Variants in NEGR1 observed in about 807,000 individuals in gnomAD.
NEGR1 encodes neuronal growth regulator 1.
A neutral mutation model predicts 40.9 loss-of-function variants in NEGR1; 10 were observed. That is an observed-to-expected ratio of 0.24 (90% CI 0.15 to 0.42). The LOEUF (loss-of-function observed/expected upper bound fraction) is 0.42. NEGR1 is among the 10% of genes least tolerant of loss of function. The pLI, the probability that NEGR1 is intolerant of heterozygous loss-of-function variation, is 1.00. For missense variants in NEGR1, 352 were observed against 438.9 expected (o/e 0.80, Z 1.77); for synonymous variants, 185 against 166.8 (o/e 1.11, Z -0.84).
At chr1:72,096,359 T>C (rs1315973606) in intron 1 of NEGR1, among the ~76,000 whole-genome samples, 1 of 152,124 alleles carries the variant, frequency 6.6e-6, no homozygotes, top group Non-Finnish European at 1.5e-5. Context: ...ATCTCAATAA[T>C]GAATAAGAAG....
At chr1:71,456,154 A>G (rs74089367) in intron 6 of NEGR1, among the ~76,000 whole-genome samples, 5,239 of 152,296 alleles carry the variant, frequency 0.034, 315 homozygotes, top group African/African-American at 0.12. Context: ...TAGGTACAAC[A>G]AAGAGATATG....
chr1:71,986,306 T>C (rs1162557028), intron 1 of NEGR1, among the ~76,000 whole-genome samples: 1 of 152,222 alleles, frequency 6.6e-6, no homozygotes, highest in Admixed American at 6.5e-5. Flanking sequence ...TTCCACACAA[T>C]AGTGCATTAT....
intron 2 of NEGR1, among the ~76,000 whole-genome samples, chr1:71,790,317 T>C (rs1003178527): frequency 4.6e-5 from 7 of 152,248 alleles, no homozygotes; most frequent in African/African-American, 1.2e-4. Context: ...TTTTGTTTTC[T>C]GAATTTTAAG....
At chr1:71,684,104 A>T (rs2101613677) in intron 4 of NEGR1, among the ~76,000 whole-genome samples, 1 of 152,142 alleles carries the variant, frequency 6.6e-6, no homozygotes, top group Middle Eastern at 3.4e-3. Flanking sequence ...CCCTGTCTCT[A>T]CTAAAAATAC....
At chr1:71,524,290 T>A (rs1349334156) in intron 6 of NEGR1, among the ~76,000 whole-genome samples, 1 of 149,862 alleles carries the variant, frequency 6.7e-6, no homozygotes, top group African/African-American at 2.5e-5. Flanking sequence ...TACATTAAGA[T>A]CTTGGAGTCT....
intron 2 of NEGR1, among the ~76,000 whole-genome samples, chr1:71,841,277 T>C (rs1268665130): frequency 6.6e-6 from 1 of 152,168 alleles, no homozygotes; most frequent in African/African-American, 2.4e-5. Context: ...TACATATAAA[T>C]CTATTTTATT....
chr1:72,195,727 T>C (rs1211372552), intron 1 of NEGR1, among the ~76,000 whole-genome samples: 1 of 151,992 alleles, frequency 6.6e-6, no homozygotes, highest in Non-Finnish European at 1.5e-5. Flanking sequence ...GTAAAATTCC[T>C]GAAAGTACAG....
At position 72,221,709 on chromosome 1, in the gene NEGR1, A is replaced by T. The variant is rs140550187; in HGVS notation, c.176+60610T>A. Reference sequence around the variant, plus strand: ...CTCAAAAAATCCTGAAGTCCTATTAATTTTTTTTACACCAAGTCTTCTTTA... The same window carrying T: ...CTCAAAAAATCCTGAAGTCCTATTATTTTTTTTTACACCAAGTCTTCTTTA... On this transcript the variant is annotated intron_variant, in intron 1 of 6. Coordinates refer to ENST00000357731, the MANE Select transcript of NEGR1 (RefSeq NM_173808.3). Among the ~76,000 whole-genome samples, 1,025 of 151,980 alleles carry T rather than the reference A, an allele frequency of 6.7e-3. 8 individuals carry two copies. Among genetic ancestry groups the T allele is most frequent in the African/African-American group, 0.023 (958 of 41,484 alleles).
At chr1:72,269,689 G>T (rs986804318) in intron 1 of NEGR1, among the ~76,000 whole-genome samples, 2 of 151,470 alleles carry the variant, frequency 1.3e-5, no homozygotes, top group Non-Finnish European at 3.0e-5. Context: ...TTCAATAGCT[G>T]TTTATTTTTT....
chr1:71,998,421 G>A (rs1475123237), intron 1 of NEGR1, among the ~76,000 whole-genome samples: 1 of 151,704 alleles, frequency 6.6e-6, no homozygotes, highest in African/African-American at 2.4e-5. Context: ...ACAATCGCTG[G>A]CATAGACTTC....
At chr1:71,550,701 T>C (rs976535266) in intron 6 of NEGR1, among the ~76,000 whole-genome samples, 1 of 151,636 alleles carries the variant, frequency 6.6e-6, no homozygotes, top group Non-Finnish European at 1.5e-5. Flanking sequence ...CCACATTCTG[T>C]TCCTTATCTA....
rs946587524 is a variant in NEGR1, at chr1:71,407,333, C to G, written c.*113G>C. On this transcript the variant is annotated 3_prime_UTR_variant, in exon 7 of 7. Transcript: ENST00000357731. Reference sequence around the variant, plus strand: ...CAATTCTACAGAAGGCGATCATCCCCATGTAAGCACTGCTGATTATATCCC... The same window carrying G: ...CAATTCTACAGAAGGCGATCATCCCGATGTAAGCACTGCTGATTATATCCC... The G allele has an allele frequency of 1.2e-6, 1 of 864,010 alleles. No homozygotes were observed. Among genetic ancestry groups the G allele is most frequent in the African/African-American group, 1.7e-5 (1 of 58,726 alleles). 53.5% of individuals were successfully genotyped at this position (864,010 alleles called of 1,614,324 possible). A position where few individuals can be genotyped will look rare whatever the true frequency, so the allele number is the denominator to read the frequency against.
chr1:71,763,251 C>T (rs952073546), intron 3 of NEGR1, among the ~76,000 whole-genome samples: 3 of 151,978 alleles, frequency 2.0e-5, no homozygotes, highest in Admixed American at 2.0e-4. Flanking sequence ...GGTGGGGGGT[C>T]CTCCTTCCAC....
At chr1:71,783,902 A>G (rs898389527) in intron 2 of NEGR1, among the ~76,000 whole-genome samples, 2 of 152,016 alleles carry the variant, frequency 1.3e-5, no homozygotes, top group African/African-American at 4.8e-5. Flanking sequence ...GCCCCATCTC[A>G]GGGTGACTAA....
intron 1 of NEGR1, among the ~76,000 whole-genome samples, chr1:72,212,659 CAA>C (rs1169016835): frequency 6.6e-6 from 1 of 151,728 alleles, no homozygotes; most frequent in Non-Finnish European, 1.5e-5. Flanking sequence ...AGTAATAATC[CAA>C]ATAGTAACCA....
intron 1 of NEGR1, among the ~76,000 whole-genome samples, chr1:72,108,763 C>T (rs1040001650): frequency 6.6e-6 from 1 of 151,600 alleles, no homozygotes; most frequent in Admixed American, 6.6e-5. Context: ...GAACTGGATG[C>T]AAGAAGAACA....
intron 6 of NEGR1, among the ~76,000 whole-genome samples, chr1:71,460,578 A>G (rs1043902490): frequency 5.3e-5 from 8 of 152,232 alleles, no homozygotes; most frequent in African/African-American, 1.9e-4. Flanking sequence ...ATATTATATC[A>G]GATAATATGA....
At chr1:71,570,514 T>C (rs890536638) in intron 6 of NEGR1, among the ~76,000 whole-genome samples, 5 of 152,202 alleles carry the variant, frequency 3.3e-5, no homozygotes, top group African/African-American at 1.2e-4. Flanking sequence ...AGGTATAAGA[T>C]GCAATACAAA....
intron 1 of NEGR1, among the ~76,000 whole-genome samples, chr1:72,077,243 C>T (rs911321125): frequency 6.6e-6 from 1 of 151,808 alleles, no homozygotes; most frequent in Admixed American, 6.6e-5. Context: ...ATGTATGCAA[C>T]CGGAGCACTC....
Sources: allele counts gnomAD v4.1 joint callset (sites outside exome capture counted in the v4.1 genomes callset), GRCh38; gene constraint gnomAD v4.1.1; transcripts MANE v1.5; gene names NCBI Gene and HGNC (gene_info 2026-07-23, HGNC 2026-07-21).